SLC1A6: variants seen among roughly 807,000 people sequenced by gnomAD.
SLC1A6 encodes solute carrier family 1 member 6, also known as excitatory amino acid transporter 4.
A neutral mutation model predicts 42.1 loss-of-function variants in SLC1A6; 15 were observed. The observed-to-expected ratio is 0.36, with a 90% CI of 0.24 to 0.55. SLC1A6 has a LOEUF of 0.55. SLC1A6 is among the 20% of genes least tolerant of loss of function. SLC1A6 has a pLI of 0.88. For missense variants in SLC1A6, 542 were observed against 772.5 expected (o/e 0.70, Z 3.54); for synonymous variants, 317 against 319.7 (o/e 0.99, Z 0.09).
At chr19:14,956,789 TG>T in intron 6 of SLC1A6, 80 bp from the exon 7 acceptor site, 1 of 936,698 alleles carries the variant, frequency 1.1e-6, no homozygotes, top group Non-Finnish European at 1.7e-6. Context: ...CCCAAGGCTT[TG>T]CCCATATAGG....
intron 6 of SLC1A6, among the ~76,000 whole-genome samples, chr19:14,957,989 A>C (rs771740826): frequency 2.0e-5 from 3 of 152,276 alleles, no homozygotes; most frequent in South Asian, 4.1e-4. Context: ...AAGATGAAAG[A>C]AGCAAGTTCA....
At chr19:14,988,212 G>A (rs552642402) in intron 1 of SLC1A6, among the ~76,000 whole-genome samples, 33 of 152,294 alleles carry the variant, frequency 2.2e-4, no homozygotes, top group African/African-American at 7.2e-4. Flanking sequence ...ACTGGGGCCC[G>A]TTGTATGAGG....
intron 2 of SLC1A6, 125 bp from the exon 3 acceptor site, chr19:14,971,999 T>C (rs1406766941): frequency 1.2e-6 from 1 of 813,634 alleles, no homozygotes; most frequent in Non-Finnish European, 1.9e-6. Flanking sequence ...TATGAGTGTG[T>C]GTATTTGTGT....
intron 6 of SLC1A6, among the ~76,000 whole-genome samples, chr19:14,957,237 G>A (rs764370297): frequency 6.6e-6 from 1 of 152,094 alleles, no homozygotes. Context: ...CAAAATCACC[G>A]ATGTATTCAT....
At chr19:14,991,532 G>T (rs2045819910) in intron 1 of SLC1A6, among the ~76,000 whole-genome samples, 1 of 151,286 alleles carries the variant, frequency 6.6e-6, no homozygotes, top group African/African-American at 2.4e-5. Flanking sequence ...CTGAGGAAGA[G>T]AATTGCTTGA....
intron 1 of SLC1A6, among the ~76,000 whole-genome samples, chr19:14,999,919 T>C (rs1351204572): frequency 6.6e-6 from 1 of 152,174 alleles, no homozygotes; most frequent in Non-Finnish European, 1.5e-5. Context: ...TATATATACA[T>C]GTGCTATGTT....
At chr19:15,002,051 C>T (rs776241138) in intron 1 of SLC1A6, among the ~76,000 whole-genome samples, 24 of 152,022 alleles carry the variant, frequency 1.6e-4, no homozygotes, top group Non-Finnish European at 2.8e-4. Flanking sequence ...AGAATGAAAA[C>T]CTGATGCACA....
intron 7 of SLC1A6, among the ~76,000 whole-genome samples, chr19:14,955,256 T>C: frequency 6.6e-6 from 1 of 152,146 alleles, no homozygotes; most frequent in Non-Finnish European, 1.5e-5. Flanking sequence ...AGAGGCACAT[T>C]CCCTGACCAG....
intron 1 of SLC1A6, among the ~76,000 whole-genome samples, chr19:15,002,056 T>C (rs1319617405): frequency 1.3e-5 from 2 of 152,144 alleles, no homozygotes; most frequent in Non-Finnish European, 2.9e-5. Flanking sequence ...GAAAACCTGA[T>C]GCACACGCTA....
At chr19:14,996,593 TGTA>T (rs2045848912) in intron 1 of SLC1A6, among the ~76,000 whole-genome samples, 1 of 151,374 alleles carries the variant, frequency 6.6e-6, no homozygotes, top group Non-Finnish European at 1.5e-5. Flanking sequence ...TTCCTCTCAT[TGTA>T]CCTTAAGCCG....
intron 1 of SLC1A6, among the ~76,000 whole-genome samples, chr19:14,990,380 T>C (rs1346374446): frequency 6.6e-6 from 1 of 152,070 alleles, no homozygotes; most frequent in Admixed American, 6.6e-5. Flanking sequence ...ACAATTGAAC[T>C]CATAACAGCA....
At chr19:15,004,623 C>T (rs773096969) in intron 1 of SLC1A6, among the ~76,000 whole-genome samples, 8 of 150,718 alleles carry the variant, frequency 5.3e-5, no homozygotes, top group Non-Finnish European at 1.0e-4. Flanking sequence ...CTCTTGAGAC[C>T]AGGAGTTGGA....
At chr19:14,986,027 T>A (rs1225768159) in intron 1 of SLC1A6, among the ~76,000 whole-genome samples, 1 of 151,328 alleles carries the variant, frequency 6.6e-6, no homozygotes, top group Admixed American at 6.6e-5. Context: ...CTGAGGTTTG[T>A]CTGTCTAAAA....
chr19:14,960,282 ATGAG>A (rs545893139), intron 6 of SLC1A6, among the ~76,000 whole-genome samples: 115 of 152,356 alleles, frequency 7.5e-4, no homozygotes, highest in African/African-American at 2.5e-3. Context: ...GCATAGATGA[ATGAG>A]TGAGTCCAAG....
intron 1 of SLC1A6, among the ~76,000 whole-genome samples, chr19:14,999,794 T>C (rs1019466891): frequency 2.0e-5 from 3 of 152,186 alleles, no homozygotes; most frequent in African/African-American, 7.2e-5. Flanking sequence ...TTCAATACAA[T>C]AGTCAATAAA....
chr19:14,970,796 G>A (rs1169862156), intron 3 of SLC1A6, among the ~76,000 whole-genome samples: 1 of 151,752 alleles, frequency 6.6e-6, no homozygotes. Context: ...AAGGCTTCCA[G>A]TCAATAGTAG....
At chr19:14,955,943 GAA>G (rs202175929) in intron 7 of SLC1A6, among the ~76,000 whole-genome samples, 1 of 148,336 alleles carries the variant, frequency 6.7e-6, no homozygotes, top group Admixed American at 6.7e-5. Flanking sequence ...TCAAAAAAAA[GAA>G]AAAAAAAATT....
intron 1 of SLC1A6, among the ~76,000 whole-genome samples, chr19:14,986,261 T>C (rs2045792119): frequency 6.6e-6 from 1 of 152,050 alleles, no homozygotes; most frequent in South Asian, 2.1e-4. Context: ...CTCATGCCTG[T>C]AATCCCAGCA....
chr19:14,996,527 C>T (rs1306371723), intron 1 of SLC1A6, among the ~76,000 whole-genome samples: 1 of 44,442 alleles, frequency 2.3e-5, no homozygotes, highest in Admixed American at 2.2e-4. Context: ...TCCTCCTCCT[C>T]TTTCTTCTTC....
Sources: allele counts gnomAD v4.1 joint callset (sites outside exome capture counted in the v4.1 genomes callset), GRCh38; gene constraint gnomAD v4.1.1; transcripts MANE v1.5; gene names NCBI Gene and HGNC (gene_info 2026-07-23, HGNC 2026-07-21).